The following EML1 variants were observed in gnomAD, a reference collection of about 807,000 sequenced individuals.
EML1 encodes the protein EMAP like 1.
In EML1, 27 loss-of-function variants were observed where a neutral mutation model predicts 110.4. The observed-to-expected ratio is 0.24, with a 90% CI of 0.18 to 0.34. The LOEUF is 0.34. EML1 is among the 10% of genes least tolerant of loss of function. The probability of loss-of-function intolerance (pLI) is 1.00; values close to 1 mark genes in which losing one functional copy is unlikely to be tolerated. For synonymous variants in EML1, 344 were observed against 385.8 expected (o/e 0.89, Z 1.27); for missense variants, 741 against 1,030.9 (o/e 0.72, Z 3.85).
intron 16 of EML1, among the ~76,000 whole-genome samples, chr14:99,918,515 A>G (rs1011493398): frequency 1.3e-5 from 2 of 152,204 alleles, no homozygotes; most frequent in African/African-American, 4.8e-5. Context: ...AGTGCTGAGC[A>G]TTTAAAAATG....
chr14:99,741,609 A>G (rs2057042910), intron 1 of EML1, among the ~76,000 whole-genome samples: 1 of 121,930 alleles, frequency 8.2e-6, no homozygotes, highest in Non-Finnish European at 1.8e-5. Context: ...CCCAGACAGC[A>G]CCCCAGCTTT....
At chr14:99,775,946 T>C (rs4905894) in intron 1 of EML1, among the ~76,000 whole-genome samples, 140,721 of 152,248 alleles carry the variant, frequency 0.92, 65,184 homozygotes, top group South Asian at 0.95. Flanking sequence ...AGAGGAATTT[T>C]ACAGCACAAT....
chr14:99,824,454 G>A (rs560422674), intron 1 of EML1, among the ~76,000 whole-genome samples: 64 of 150,858 alleles, frequency 4.2e-4, no homozygotes, highest in African/African-American at 1.5e-3. Context: ...TCAGTAATTG[G>A]CCTCGGAAAT....
intron 1 of EML1, among the ~76,000 whole-genome samples, chr14:99,837,185 C>G (rs915704641): frequency 6.6e-6 from 1 of 152,064 alleles, no homozygotes; most frequent in African/African-American, 2.4e-5. Context: ...TCTTGGCTGC[C>G]CTGGACTTAC....
chr14:99,900,135 T>C (rs1194239310), intron 8 of EML1, among the ~76,000 whole-genome samples: 2 of 151,910 alleles, frequency 1.3e-5, no homozygotes, highest in Non-Finnish European at 2.9e-5. Context: ...ATTCTAAATC[T>C]TATTTGTACA....
chr14:99,897,383 A>G, intron 7 of EML1, 89 bp downstream of exon 7: 15 of 1,304,634 alleles, frequency 1.1e-5, no homozygotes, highest in Non-Finnish European at 1.5e-5. Flanking sequence ...ATCCTGGGCA[A>G]CAGTGAAACC....
intron 17 of EML1, among the ~76,000 whole-genome samples, chr14:99,921,560 A>G (rs1406695591): frequency 1.3e-5 from 2 of 152,198 alleles, no homozygotes; most frequent in Non-Finnish European, 2.9e-5. Context: ...ACAGAATGGA[A>G]TAATGAACCC....
intron 5 of EML1, among the ~76,000 whole-genome samples, chr14:99,894,250 A>G (rs2059635420): frequency 6.6e-6 from 1 of 152,238 alleles, no homozygotes; most frequent in Admixed American, 6.5e-5. Flanking sequence ...TTGTGTATAC[A>G]TTGAACTCAA....
intron 1 of EML1, among the ~76,000 whole-genome samples, chr14:99,822,502 C>T (rs2058281274): frequency 6.6e-6 from 1 of 152,120 alleles, no homozygotes; most frequent in African/African-American, 2.4e-5. Context: ...AAGTTGAGCC[C>T]CCAGCTGGAG....
chr14:99,780,068 CCTT>C (rs2057523100), intron 1 of EML1, among the ~76,000 whole-genome samples: 1 of 152,216 alleles, frequency 6.6e-6, no homozygotes, highest in African/African-American at 2.4e-5. Flanking sequence ...CAGACTGCCA[CCTT>C]CTTGCTGTGT....
intron 1 of EML1, among the ~76,000 whole-genome samples, chr14:99,746,448 C>G (rs921190966): frequency 1.3e-5 from 2 of 152,138 alleles, no homozygotes. Flanking sequence ...AGCTATGTGG[C>G]GGAAGCACTA....
At chr14:99,766,109 A>T (rs1309579791) in intron 1 of EML1, among the ~76,000 whole-genome samples, 1 of 151,522 alleles carries the variant, frequency 6.6e-6, no homozygotes, top group African/African-American at 2.4e-5. Context: ...GGGTGTGCAA[A>T]CACCTATCTG....
At chr14:99,760,618 G>C (rs142674636) in intron 1 of EML1, among the ~76,000 whole-genome samples, 186 of 152,254 alleles carry the variant, frequency 1.2e-3, no homozygotes, top group Non-Finnish European at 2.4e-3. Context: ...TGCAAAGTAT[G>C]TAAGCCTCCT....
chr14:99,875,151 C>G (rs1023584059), intron 3 of EML1, among the ~76,000 whole-genome samples: 20 of 152,090 alleles, frequency 1.3e-4, no homozygotes, highest in Admixed American at 9.2e-4. Context: ...TTTTTAGATG[C>G]TCAACTGGTC....
upstream of EML1, among the ~76,000 whole-genome samples, chr14:99,771,538 G>A (rs563374405): frequency 2.6e-5 from 4 of 152,174 alleles, no homozygotes; most frequent in South Asian, 2.1e-4. Flanking sequence ...CAGGCTGGGC[G>A]CCATGGCTCA....
intron 1 of EML1, among the ~76,000 whole-genome samples, chr14:99,811,173 T>TG (rs2058072677): frequency 6.6e-6 from 1 of 151,896 alleles, no homozygotes; most frequent in Non-Finnish European, 1.5e-5. Flanking sequence ...GGGGTTTTTT[T>TG]TTTGTTTTTT....
intron 10 of EML1, 87 bp downstream of exon 10, chr14:99,907,820 T>TA: frequency 7.9e-7 from 1 of 1,258,452 alleles, no homozygotes; most frequent in Non-Finnish European, 1.1e-6. Context: ...TTCAGCGGGC[T>TA]CATTCCCACC....
intron 1 of EML1, among the ~76,000 whole-genome samples, chr14:99,753,219 C>G (rs1182019382): frequency 7.1e-6 from 1 of 141,090 alleles, no homozygotes; most frequent in East Asian, 2.3e-4. Context: ...CCCCCCACCC[C>G]CCACTGCCCC....
At chr14:99,838,206 A>C (rs1413008174) in intron 1 of EML1, among the ~76,000 whole-genome samples, 4 of 152,248 alleles carry the variant, frequency 2.6e-5, no homozygotes, top group African/African-American at 7.2e-5. Flanking sequence ...AAGACAACTA[A>C]ATTTTTGGAT....
Sources: gnomAD v4.1 joint callset for allele counts (sites outside exome capture counted in the v4.1 genomes callset) on GRCh38, gnomAD v4.1.1 for gene constraint, MANE v1.5 for transcripts, NCBI Gene and HGNC (gene_info 2026-07-23, HGNC 2026-07-21) for gene names.